The following NCKAP5 variants were observed in gnomAD, a reference collection of about 807,000 sequenced individuals.
NCKAP5 encodes the protein NCK associated protein 5, also known as nck-associated protein 5.
A neutral mutation model predicts 167.0 loss-of-function variants in NCKAP5; 92 were observed. The ratio of observed to expected loss-of-function variants is 0.55; its 90% confidence interval spans 0.47 to 0.66. The LOEUF is 0.66. NCKAP5 is among the 30% of genes least tolerant of loss of function. The pLI, the probability that NCKAP5 is intolerant of heterozygous loss-of-function variation, is 0.00. For synonymous variants in NCKAP5, 891 were observed against 877.4 expected, an observed-to-expected ratio of 1.02 and a Z score of -0.27; for missense variants, 2,378 against 2,315.0, an observed-to-expected ratio of 1.03 and a Z score of -0.56.
intron 3 of NCKAP5, among the ~76,000 whole-genome samples, chr2:133,512,183 C>T (rs931396126): frequency 1.3e-5 from 2 of 152,132 alleles, no homozygotes; most frequent in African/African-American, 2.4e-5. Flanking sequence ...AAAAAGTATC[C>T]GCAAGGCTGA....
chr2:133,402,904 A>G (rs1490096773), intron 3 of NCKAP5, among the ~76,000 whole-genome samples: 1 of 152,202 alleles, frequency 6.6e-6, no homozygotes, highest in East Asian at 1.9e-4. Context: ...TACAGTGACA[A>G]TGCATCCTGA....
chr2:132,887,352 C>CT (rs1558902689), intron 8 of NCKAP5, among the ~76,000 whole-genome samples: 12,513 of 112,500 alleles, frequency 0.11, 604 homozygotes, highest in Non-Finnish European at 0.13. Context: ...TCTATCTATC[C>CT]ATCCATCCAT....
intron 3 of NCKAP5, among the ~76,000 whole-genome samples, chr2:133,330,457 T>C (rs1385382909): frequency 1.3e-5 from 2 of 151,782 alleles, no homozygotes; most frequent in African/African-American, 2.4e-5. Flanking sequence ...AGGACACGTT[T>C]TGTGTTGCCT....
rs375282131 is a variant in NCKAP5 at position 132,783,145 on chromosome 2, C to T, written c.3666G>A (p.Gly1222=). ...CTTGTAGTGCTGTTTCCAGGGGAAG[C>T]CCATCAGCTAAACTGCCCTGTGCTT... The part of the protein sequence containing the change: ...DSQAQGSLAD[G]LPLETALQEP... The change falls in exon 14 of 20, where the codon GGG becomes GGA. Residue 1222 remains glycine (G), a synonymous_variant. Transcript: ENST00000409261. The T allele has an allele frequency of 2.2e-5, 35 of 1,613,304 alleles. No homozygotes were observed. The African/African-American group carries it at 3.5e-4, about 16-fold the overall frequency.
intron 3 of NCKAP5, among the ~76,000 whole-genome samples, chr2:133,362,475 CAGG>C (rs773720598): frequency 6.6e-6 from 1 of 152,114 alleles, no homozygotes; most frequent in Non-Finnish European, 1.5e-5. Flanking sequence ...TAGAACATGT[CAGG>C]AGTTTTTAAT....
intron 5 of NCKAP5, among the ~76,000 whole-genome samples, chr2:133,143,600 G>T (rs926653279): frequency 6.6e-6 from 1 of 152,072 alleles, no homozygotes; most frequent in African/African-American, 2.4e-5. Context: ...TACAATTAAA[G>T]TGCACCTCCT....
intron 16 of NCKAP5, among the ~76,000 whole-genome samples, chr2:132,732,623 A>T (rs892279163): frequency 7.9e-5 from 12 of 152,228 alleles, no homozygotes; most frequent in African/African-American, 2.4e-5. Context: ...CAGAAAAGGA[A>T]CAGTCATTAG....
At chr2:132,733,582 G>C (rs933835302) in intron 16 of NCKAP5, among the ~76,000 whole-genome samples, 28 of 152,178 alleles carry the variant, frequency 1.8e-4, no homozygotes, top group Admixed American at 6.5e-4. Flanking sequence ...CCAAGTAAAT[G>C]AATAAAGAAT....
At chr2:133,000,742 G>A (rs1337738601) in intron 6 of NCKAP5, among the ~76,000 whole-genome samples, 2 of 152,090 alleles carry the variant, frequency 1.3e-5, no homozygotes, top group African/African-American at 4.8e-5. Context: ...ATTCAAAACA[G>A]GTGTCCATCA....
intron 8 of NCKAP5, among the ~76,000 whole-genome samples, chr2:132,924,202 C>G (rs1449990811): frequency 3.9e-5 from 6 of 152,198 alleles, no homozygotes; most frequent in Non-Finnish European, 8.8e-5. Flanking sequence ...GTGAAAAAAG[C>G]CATTATTCCA....
chr2:132,987,215 C>A (rs539122220), intron 7 of NCKAP5, among the ~76,000 whole-genome samples: 1 of 152,238 alleles, frequency 6.6e-6, no homozygotes, highest in East Asian at 1.9e-4. Flanking sequence ...GAACATGGTG[C>A]TGTCCCTACT....
At chr2:133,591,851 C>G in the NCKAP5 span, among the ~76,000 whole-genome samples, 2 of 152,126 alleles carry the variant, frequency 1.3e-5, no homozygotes, top group African/African-American at 4.8e-5. Context: ...AAAAGCAGTT[C>G]ATGTTTATGA....
intron 2 of NCKAP5, among the ~76,000 whole-genome samples, chr2:133,531,359 A>G (rs577061806): frequency 1.2e-4 from 19 of 152,198 alleles, no homozygotes; most frequent in African/African-American, 4.3e-4. Flanking sequence ...AGTATGTTTT[A>G]TTACTCTTGA....
chr2:133,266,701 C>T (rs773455261), intron 4 of NCKAP5, among the ~76,000 whole-genome samples: 3 of 152,174 alleles, frequency 2.0e-5, no homozygotes, highest in Admixed American at 6.5e-5. Context: ...GCCCGGGCAC[C>T]TCGCGCTCCT....
chr2:133,441,383 C>T (rs1301562442), intron 3 of NCKAP5, among the ~76,000 whole-genome samples: 1 of 152,150 alleles, frequency 6.6e-6, no homozygotes, highest in Non-Finnish European at 1.5e-5. Flanking sequence ...GACTCAGAAT[C>T]ATGCATTGAA....
intron 4 of NCKAP5, among the ~76,000 whole-genome samples, chr2:133,243,850 A>C (rs530819526): frequency 1.3e-5 from 2 of 152,346 alleles, no homozygotes; most frequent in South Asian, 4.1e-4. Flanking sequence ...GTAAAAATGC[A>C]TGTAATTCCC....
rs1683100976 is a variant in NCKAP5, at chr2:132,782,280, C to A, written c.4531G>T (p.Gly1511Cys). 6.2e-7 allele frequency: 1 copy of A among 1,613,994 alleles called. No homozygotes were observed. Among genetic ancestry groups the A allele is most frequent in the Non-Finnish European group, 8.5e-7 (1 of 1,179,888 alleles). The change falls in exon 14 of 20, where the codon GGT becomes TGT. Residue 1511 changes from glycine to cysteine, a missense_variant. This residue lies in a region of NCKAP5 where 1,325 missense variants were observed against 1,274.5 expected (regional missense o/e 1.04). Coordinates refer to ENST00000409261, the MANE Select transcript of NCKAP5 (RefSeq NM_207363.3). ...KPGPSFASWF[G>C]FRKSRLPALS... is the part of the protein sequence containing the mutation. Reference sequence around the variant, plus strand: ...GCTGGAAGTCTACTCTTCCGAAAACCAAACCAGCTGGCAAAAGAAGGCCCA... The same window carrying A: ...GCTGGAAGTCTACTCTTCCGAAAACAAAACCAGCTGGCAAAAGAAGGCCCA...
chr2:133,649,422 A>T, the NCKAP5 span, among the ~76,000 whole-genome samples: 1 of 151,986 alleles, frequency 6.6e-6, no homozygotes, highest in Non-Finnish European at 1.5e-5. Context: ...CCAGAGAAAG[A>T]CAACACAAAA....
intron 3 of NCKAP5, among the ~76,000 whole-genome samples, chr2:133,435,061 TCTTCACTG>T (rs1358077835): frequency 1.3e-5 from 2 of 152,240 alleles, no homozygotes; most frequent in Non-Finnish European, 2.9e-5. Context: ...GCCCTTCTAA[TCTTCACTG>T]ATAAGGCCAT....
Sources: allele counts gnomAD v4.1 joint callset (sites outside exome capture counted in the v4.1 genomes callset), GRCh38; gene constraint gnomAD v4.1.1; regional missense constraint gnomAD v4.1.1; transcripts MANE v1.5; gene names NCBI Gene and HGNC (gene_info 2026-07-23, HGNC 2026-07-21).